The following ELMO1 variants were observed in gnomAD, a reference collection of about 807,000 sequenced individuals.
The protein encoded by ELMO1 is engulfment and cell motility 1, also known as engulfment and cell motility protein 1.
In ELMO1, 26 loss-of-function variants were observed where a neutral mutation model predicts 98.9. The observed-to-expected ratio is 0.26, with a 90% confidence interval of 0.19 to 0.36. The LOEUF (loss-of-function observed/expected upper bound fraction) is 0.36, where lower values mean the gene tolerates loss of function less well. Ranked by LOEUF, ELMO1 falls within the 10% of genes least tolerant of loss-of-function variation. The probability of loss-of-function intolerance (pLI) is 1.00; values close to 1 mark genes in which losing one functional copy is unlikely to be tolerated. For missense variants in ELMO1, 627 were observed against 935.2 expected (o/e 0.67, Z 4.30); for synonymous variants, 346 against 346.0 (o/e 1.00, Z 0.00).
chr7:37,125,224 G>A (rs1003821459), intron 14 of ELMO1, among the ~76,000 whole-genome samples: 8 of 152,182 alleles, frequency 5.3e-5, no homozygotes, highest in East Asian at 1.9e-4. Context: ...ACATAGGCAC[G>A]GGCAAGGACT....
At chr7:37,049,405 CTA>C (rs1243486191) in intron 15 of ELMO1, among the ~76,000 whole-genome samples, 1 of 152,194 alleles carries the variant, frequency 6.6e-6, no homozygotes, top group African/African-American at 2.4e-5. Flanking sequence ...CCAATTAAAA[CTA>C]TGTGATGCGT....
intron 1 of ELMO1, chr7:37,375,865 G>C (rs1802319231): frequency 2.8e-6 from 2 of 702,042 alleles, no homozygotes. Flanking sequence ...TGAGCAACCT[G>C]CAAGACTCAC....
intron 6 of ELMO1, among the ~76,000 whole-genome samples, chr7:37,248,095 CT>C (rs1409667766): frequency 6.6e-6 from 1 of 151,896 alleles, no homozygotes; most frequent in Non-Finnish European, 1.5e-5. Context: ...GTGCTTCTTA[CT>C]CCTCAAATTT....
chr7:37,008,952 G>A (rs73688446), intron 16 of ELMO1, among the ~76,000 whole-genome samples: 2,207 of 152,214 alleles, frequency 0.014, 51 homozygotes, highest in African/African-American at 0.05. Flanking sequence ...GCGGTTGGCC[G>A]GTGGGATAAC....
intron 4 of ELMO1, among the ~76,000 whole-genome samples, chr7:37,313,661 C>G (rs898757531): frequency 1.3e-5 from 2 of 152,182 alleles, no homozygotes; most frequent in African/African-American, 4.8e-5. Flanking sequence ...GCCTTTGAGG[C>G]CTCTCTCCTG....
intron 14 of ELMO1, among the ~76,000 whole-genome samples, chr7:37,102,717 G>A (rs1253660702): frequency 1.3e-5 from 2 of 152,200 alleles, no homozygotes; most frequent in East Asian, 1.9e-4. Flanking sequence ...CTGTACAGAT[G>A]AAGAAACAGA....
chr7:37,240,680 T>TA (rs1794723257), intron 7 of ELMO1, among the ~76,000 whole-genome samples: 2 of 152,198 alleles, frequency 1.3e-5, no homozygotes, highest in African/African-American at 4.8e-5. Flanking sequence ...GTATTTTCAT[T>TA]ACCATTCAGT....
At chr7:37,104,862 GA>G (rs1185196667) in intron 14 of ELMO1, among the ~76,000 whole-genome samples, 10 of 150,522 alleles carry the variant, frequency 6.6e-5, no homozygotes, top group East Asian at 1.9e-4. Flanking sequence ...AAAAAAAAAA[GA>G]AAAGAAAACG....
At chr7:37,218,322 T>G (rs1264007118) in intron 10 of ELMO1, among the ~76,000 whole-genome samples, 1 of 152,236 alleles carries the variant, frequency 6.6e-6, no homozygotes, top group African/African-American at 2.4e-5. Flanking sequence ...GTTTACAATA[T>G]TTATTGTCTG....
chr7:37,070,383 T>C (rs1006235829), intron 15 of ELMO1, among the ~76,000 whole-genome samples: 4 of 152,218 alleles, frequency 2.6e-5, no homozygotes, highest in African/African-American at 9.7e-5. Flanking sequence ...GCAATCCTCT[T>C]GTATTCTTTC....
intron 4 of ELMO1, among the ~76,000 whole-genome samples, chr7:37,279,604 C>A (rs952423605): frequency 2.6e-5 from 4 of 152,160 alleles, no homozygotes; most frequent in Admixed American, 2.6e-4. Context: ...GGAGAAGTTT[C>A]CGACCTTACC....
chr7:37,009,150 T>C (rs1476878326), intron 16 of ELMO1, among the ~76,000 whole-genome samples: 1 of 152,180 alleles, frequency 6.6e-6, no homozygotes, highest in African/African-American at 2.4e-5. Context: ...GTCCCCTTTC[T>C]TATCCCGCTC....
chr7:36,915,163 G>C (rs78396934), intron 16 of ELMO1, among the ~76,000 whole-genome samples: 1 of 152,130 alleles, frequency 6.6e-6, no homozygotes, highest in Non-Finnish European at 1.5e-5. Flanking sequence ...GTGGCTTCAA[G>C]TGAGCCAATC....
Position 36,887,556 on chromosome 7 carries a change from A to T in ELMO1, c.1714+4T>A. 6.2e-7 allele frequency: 1 copy of T among 1,613,938 alleles called. No individual in the cohort carries two copies. ...CAAGTTTGGAGTGTCCCCAGAAACA[A>T]TACCTTGCCTCCGCCGGGCATTGAG... is the stretch of plus-strand genomic sequence containing the variant. On this transcript the variant is annotated splice_donor_region_variant and intron_variant, in intron 18 of 21. Coordinates refer to ENST00000310758, the MANE Select transcript of ELMO1 (RefSeq NM_014800.11).
Position 36,870,746 on chromosome 7 carries a change from A to G in ELMO1, c.1823-271T>C, listed in dbSNP as rs1197097042. Among the ~76,000 whole-genome samples the G allele has an allele frequency of 2.6e-5, 4 of 152,216 alleles. No individual in the cohort carries two copies. The highest frequency in any genetic ancestry group is 9.6e-5 in the African/African-American group (4 of 41,454). On this transcript the variant is annotated intron_variant, in intron 19 of 21. Coordinates refer to ENST00000310758, the MANE Select transcript of ELMO1 (RefSeq NM_014800.11). The surrounding 1 kb of genome is among the most constrained non-coding windows in gnomAD (Gnocchi z 4.4). ...GTTCAGTGAAACAAAGACCTAAAAA[A>G]ACACCCATCATAGTACTGTTTGAAG...
chr7:37,090,936 C>T (rs1403548706), intron 15 of ELMO1, among the ~76,000 whole-genome samples: 3 of 151,998 alleles, frequency 2.0e-5, no homozygotes, highest in Non-Finnish European at 4.4e-5. Context: ...ATAGAGGTGC[C>T]CTACAGTTAT....
chr7:37,424,329 G>T (rs1244931346), intron 1 of ELMO1, among the ~76,000 whole-genome samples: 1 of 152,186 alleles, frequency 6.6e-6, no homozygotes, highest in Admixed American at 6.5e-5. Context: ...TCCTATGCTA[G>T]AAACAAATAA....
At position 37,206,024 on chromosome 7, in the gene ELMO1, G is replaced by C. The variant is rs1455982610; in HGVS notation, c.1086+5362C>G. ...ACCCAGTGTTCTTTCACCTTTAACT[G>C]TTACTTTCACCACGGATTTTCACAC... On this transcript the variant is annotated intron_variant, in intron 13 of 21. Coordinates refer to ENST00000310758, the MANE Select transcript of ELMO1 (RefSeq NM_014800.11). 2.0e-5 allele frequency among the ~76,000 whole-genome samples: 3 copies of C among 151,992 alleles called. No individual in the cohort carries two copies. The East Asian group carries it at 5.8e-4, about 29-fold the overall frequency.
chr7:37,144,171 G>GC (rs66529496), intron 13 of ELMO1, among the ~76,000 whole-genome samples: 136,474 of 152,114 alleles, frequency 0.9, 61,660 homozygotes, highest in Non-Finnish European at 0.95. Context: ...TCAATGACGT[G>GC]CCTAAATTAT....
Sources: allele counts gnomAD v4.1 joint callset (sites outside exome capture counted in the v4.1 genomes callset), GRCh38; gene constraint gnomAD v4.1.1; non-coding constraint Gnocchi (gnomAD v3.1); transcripts MANE v1.5; gene names NCBI Gene and HGNC (gene_info 2026-07-23, HGNC 2026-07-21).